ADGRA1: variants seen among roughly 807,000 people sequenced by gnomAD.
The protein encoded by ADGRA1 is G-protein coupled receptor 123.
A neutral mutation model predicts 21.3 loss-of-function variants in ADGRA1; 12 were observed. That is an observed-to-expected ratio of 0.56 (90% CI 0.36 to 0.91). ADGRA1 has a LOEUF of 0.91. Among genes scored for constraint, ADGRA1 ranks in the 40% least tolerant of loss-of-function variants. The probability of loss-of-function intolerance (pLI) is 0.01; values close to 1 mark genes in which losing one functional copy is unlikely to be tolerated. For missense variants in ADGRA1, 790 were observed against 805.6 expected, an observed-to-expected ratio of 0.98 and a Z score of 0.23; for synonymous variants, 385 against 368.8, an observed-to-expected ratio of 1.04 and a Z score of -0.50.
Position 133,088,926 on chromosome 10 carries a change from T to C in ADGRA1, c.3+14T>C. The stretch of plus-strand genomic sequence containing the variant: ...GCAGCGCTCATGGTGAGTACGGGGG[T>C]CCCGGGGGTCCTGCAGCTGGGGGCT... On this transcript the variant is annotated intron_variant, in intron 2 of 6. Transcript: ENST00000392607. 8.1e-7 allele frequency: 1 copy of C among 1,241,318 alleles called. No individual in the cohort carries two copies. The highest frequency in any genetic ancestry group is 1.0e-6 in the Non-Finnish European group (1 of 990,412). 76.9% of individuals were successfully genotyped at this position (1,241,318 alleles called of 1,614,324 possible).
chr10:133,103,880 A>G (rs771250670), intron 5 of ADGRA1, among the ~76,000 whole-genome samples: 2 of 152,146 alleles, frequency 1.3e-5, no homozygotes, highest in African/African-American at 2.4e-5. Flanking sequence ...TTGGGTGCCT[A>G]CCTGGCCCAT....
chr10:133,116,567 C>T (rs1040255263), intron 5 of ADGRA1, among the ~76,000 whole-genome samples: 1 of 151,924 alleles, frequency 6.6e-6, no homozygotes, highest in African/African-American at 2.4e-5. Flanking sequence ...TGCCCCCCAG[C>T]ACACCCAACC....
At chr10:133,089,291 T>C (rs11101896) in intron 2 of ADGRA1, among the ~76,000 whole-genome samples, 97,073 of 152,084 alleles carry the variant, frequency 0.64, 32,842 homozygotes, top group African/African-American at 0.87. Context: ...ACCGGCCTCC[T>C]CCACGCCACC....
chr10:133,126,629 C>T (rs1205454347), intron 5 of ADGRA1, among the ~76,000 whole-genome samples: 1 of 152,192 alleles, frequency 6.6e-6, no homozygotes, highest in Non-Finnish European at 1.5e-5. Context: ...GCGCCCTCAG[C>T]ACCGTTGCCA....
At position 133,128,947 on chromosome 10, in the gene ADGRA1, C is replaced by A; in HGVS notation, c.1119C>A (p.His373Gln). 2.6e-6 allele frequency: 4 copies of A among 1,556,322 alleles called. No individual in the cohort carries two copies. The highest frequency in any genetic ancestry group is 3.5e-6 in the Non-Finnish European group (4 of 1,153,474). ...CCAACCTGCAGGCCGCGCAGGGCCA[C>A]GCCAGTTGCCTGTCACCGGCCACCC... ...KMTNLQAAQG[H>Q]ASCLSPATPC... The change falls in exon 7 of 7, where the codon CAC becomes CAA. Residue 373 changes from histidine (H) to glutamine (Q), a missense_variant. This residue lies in a region of ADGRA1 where 391 missense variants were observed against 351.5 expected (regional missense o/e 1.11). Transcript: ENST00000392607.
chr10:133,126,097 C>A (rs76251609), intron 5 of ADGRA1, among the ~76,000 whole-genome samples: 11,816 of 152,302 alleles, frequency 0.078, 619 homozygotes, highest in Non-Finnish European at 0.12. Flanking sequence ...GTGAAGTCCG[C>A]AGCACGGACC....
In ADGRA1 at chr10:133,102,762, C is replaced by T. The variant is rs1435399667; in HGVS notation, c.321C>T (p.Asn107=). The T allele has an allele frequency of 4.3e-6, 7 of 1,612,844 alleles. No individual in the cohort carries two copies. The highest frequency in any genetic ancestry group is 2.2e-5 in the South Asian group (2 of 91,084). The part of the protein sequence containing the change: ...TMLWIGVTAR[N]IYKQVTKKAP... ...TGTGGATAGGAGTGACCGCCAGGAA[C>T]ATCTACAAGCAGGTGACCAAGAAGG... The change falls in exon 5 of 7, where the codon AAC becomes AAT. Residue 107 remains asparagine, a synonymous_variant. Transcript: ENST00000392607.
Position 133,105,984 on chromosome 10 carries a change from T to C in ADGRA1, c.401+3142T>C, listed in dbSNP as rs573456913. ...GCCACTTTCTAGATGGGGATTCACCTGGTCTCATCTCCCCTTAGTCCCAGC... is the reference window on the plus strand; with the variant it reads ...GCCACTTTCTAGATGGGGATTCACCCGGTCTCATCTCCCCTTAGTCCCAGC... On this transcript the variant is annotated intron_variant, in intron 5 of 6. Transcript: ENST00000392607. 6.6e-5 allele frequency among the ~76,000 whole-genome samples: 10 copies of C among 152,354 alleles called. No individual in the cohort carries two copies. The South Asian group carries it at 2.1e-3, about 32-fold the overall frequency.
intron 4 of ADGRA1, among the ~76,000 whole-genome samples, chr10:133,100,164 C>T (rs1253673610): frequency 2.6e-5 from 4 of 152,234 alleles, no homozygotes; most frequent in African/African-American, 7.2e-5. Flanking sequence ...GGAGGCCGTG[C>T]CCCCGGCCTG....
chr10:133,093,940 T>C (rs1851644899), intron 2 of ADGRA1, among the ~76,000 whole-genome samples: 1 of 152,294 alleles, frequency 6.6e-6, no homozygotes, highest in South Asian at 2.1e-4. Context: ...AGACAGGCAC[T>C]GTTGATAACT....
intron 4 of ADGRA1, among the ~76,000 whole-genome samples, chr10:133,100,056 A>C (rs987510238): frequency 1.3e-5 from 2 of 152,112 alleles, no homozygotes; most frequent in Non-Finnish European, 2.9e-5. Flanking sequence ...CCAGGCTGGG[A>C]CGGGCCGGGC....
rs1178478587 is a variant in ADGRA1, at chr10:133,111,966, G to A, written c.401+9124G>A. Among the ~76,000 whole-genome samples the A allele has an allele frequency of 2.4e-4, 18 of 75,462 alleles. 4 individuals are homozygous for A. Among genetic ancestry groups the A allele is most frequent in the African/African-American group, 8.3e-4 (15 of 18,074 alleles). 49.5% of individuals were successfully genotyped at this position (75,462 alleles called of 152,430 possible). A position where few individuals can be genotyped will look rare whatever the true frequency, so the allele number is the denominator to read the frequency against. On this transcript the variant is annotated intron_variant, in intron 5 of 6. Transcript: ENST00000392607. Reference sequence around the variant, plus strand: ...CCCTCCTAATCCCTCCAGACCACCTGCCCACCACAGGCACCTCCCTCCTAA... The same window carrying A: ...CCCTCCTAATCCCTCCAGACCACCTACCCACCACAGGCACCTCCCTCCTAA...
intron 5 of ADGRA1, among the ~76,000 whole-genome samples, chr10:133,116,137 A>C (rs1852153755): frequency 6.6e-6 from 1 of 151,760 alleles, no homozygotes; most frequent in Non-Finnish European, 1.5e-5. Context: ...CGTGGAGCCC[A>C]GGCCCCTTGC....
intron 4 of ADGRA1, among the ~76,000 whole-genome samples, chr10:133,101,674 G>A (rs986108890): frequency 6.6e-6 from 1 of 152,132 alleles, no homozygotes; most frequent in Non-Finnish European, 1.5e-5. Flanking sequence ...CCTACTCCTC[G>A]ACACGGTGCC....
At chr10:133,109,684 C>T (rs929403189) in intron 5 of ADGRA1, among the ~76,000 whole-genome samples, 15 of 152,206 alleles carry the variant, frequency 9.9e-5, no homozygotes, top group South Asian at 2.1e-4. Context: ...ATGACAATGA[C>T]GGGAAGGTCC....
At chr10:133,094,148 C>T (rs940107377) in intron 2 of ADGRA1, among the ~76,000 whole-genome samples, 6 of 152,258 alleles carry the variant, frequency 3.9e-5, no homozygotes, top group African/African-American at 1.2e-4. Context: ...GGCCTTCAGA[C>T]GAGAAGCCCC....
At chr10:133,091,225 G>A (rs1359122797) in intron 2 of ADGRA1, among the ~76,000 whole-genome samples, 1 of 152,226 alleles carries the variant, frequency 6.6e-6, no homozygotes, top group Non-Finnish European at 1.5e-5. Flanking sequence ...CTGCCAACTG[G>A]GAGGCCTGGG....
rs764427588 is a variant in ADGRA1 at position 133,127,323 on chromosome 10, C to T, written c.492C>T (p.Asp164=). Residue 164 remains aspartate (D), a synonymous_variant, in exon 6 of 7, where the codon GAC becomes GAT. Coordinates refer to ENST00000392607, the MANE Select transcript of ADGRA1 (RefSeq NM_001083909.3). ...NIRNYGTEDE[D]TAYCWMAWEP... Reference sequence around the variant, plus strand: ...GGAATTACGGGACAGAGGACGAGGACACGGCGTAGTGAGTACCGGGCACCC... The same window carrying T: ...GGAATTACGGGACAGAGGACGAGGATACGGCGTAGTGAGTACCGGGCACCC... 4 of 1,595,494 alleles carry T rather than the reference C, an allele frequency of 2.5e-6. No homozygotes were observed. Among genetic ancestry groups the T allele is most frequent in the Non-Finnish European group, 3.4e-6 (4 of 1,171,968 alleles).
chr10:133,116,601 C>A (rs1160027012), intron 5 of ADGRA1, among the ~76,000 whole-genome samples: 1 of 152,028 alleles, frequency 6.6e-6, no homozygotes, highest in Non-Finnish European at 1.5e-5. Context: ...CCTCTCCCCC[C>A]AGGTGTGGCA....
Sources: gnomAD v4.1 joint callset for allele counts (sites outside exome capture counted in the v4.1 genomes callset) on GRCh38, gnomAD v4.1.1 for gene constraint, gnomAD v4.1.1 regional missense constraint, MANE v1.5 for transcripts, NCBI Gene and HGNC (gene_info 2026-07-23, HGNC 2026-07-21) for gene names.